METTL15: variants seen among roughly 807,000 people sequenced by gnomAD.
METTL15 encodes methyltransferase 15, mitochondrial 12S rRNA N4-cytidine, also known as 12S rRNA N(4)-cytidine methyltransferase METTL15.
In METTL15, 34 loss-of-function variants were observed where a neutral mutation model predicts 38.3. That is an observed-to-expected ratio of 0.89 (90% CI 0.68 to 1.18). METTL15 has a LOEUF of 1.18. METTL15 is among the 50% of genes most tolerant of loss of function. The pLI is 0.00. For synonymous variants in METTL15, 162 were observed against 170.9 expected (o/e 0.95, Z 0.41); for missense variants, 438 against 498.4 (o/e 0.88, Z 1.15).
At chr11:28,468,485 T>C (rs927890028) in intron 6 of METTL15, among the ~76,000 whole-genome samples, 2 of 152,212 alleles carry the variant, frequency 1.3e-5, no homozygotes, top group Non-Finnish European at 2.9e-5. Context: ...CATTTTGATA[T>C]AATATTGTTT....
At position 28,369,231 on chromosome 11, in the gene METTL15, A is replaced by G. The variant is rs150748150; in HGVS notation, c.*358+7195A>G. On this transcript the variant is annotated intron_variant and NMD_transcript_variant, in intron 5 of 7. Coordinates refer to the METTL15 transcript ENST00000532947. ...AGAAAGAATCAGCAAACTCAAAGAC[A>G]GGTACTTTTCCATTATTAAGTCAAA... Among the ~76,000 whole-genome samples the G allele has an allele frequency of 1.6e-4, 24 of 152,148 alleles. No homozygotes were observed. In the East Asian group the frequency reaches 4.6e-3, roughly 29 times the overall value.
intron 5 of METTL15, among the ~76,000 whole-genome samples, chr11:28,396,557 A>G (rs753116619): frequency 5.9e-5 from 9 of 152,316 alleles, no homozygotes; most frequent in South Asian, 2.1e-4. Context: ...CTCTTCAAGG[A>G]GAACTACAAA....
At chr11:28,237,464 A>T (rs1339439409) in intron 4 of METTL15, among the ~76,000 whole-genome samples, 1 of 152,024 alleles carries the variant, frequency 6.6e-6, no homozygotes, top group Admixed American at 6.5e-5. Flanking sequence ...AGCTCCTTTA[A>T]GCACTTCTCT....
intron 3 of METTL15, among the ~76,000 whole-genome samples, chr11:28,140,674 A>G (rs767598548): frequency 1.5e-4 from 23 of 152,178 alleles, no homozygotes; most frequent in Non-Finnish European, 2.5e-4. Flanking sequence ...AGTAGAATTT[A>G]TTAGGTGAAA....
At chr11:28,315,240 G>C (rs923454290) in intron 6 of METTL15, among the ~76,000 whole-genome samples, 1 of 152,152 alleles carries the variant, frequency 6.6e-6, no homozygotes, top group South Asian at 2.1e-4. Context: ...CGCTGATTGA[G>C]ATATGGATAA....
rs147693940 is a variant in METTL15, at chr11:28,432,316, C to A, written c.*424+7952C>A. Reference sequence around the variant, plus strand: ...GTAGTTCAATCAAAGTTAGGTATATCTCTTTCTTTTTAAGGAATTAAGTAA... The same window carrying A: ...GTAGTTCAATCAAAGTTAGGTATATATCTTTCTTTTTAAGGAATTAAGTAA... On this transcript the variant is annotated intron_variant and NMD_transcript_variant, in intron 6 of 7. Transcript: ENST00000532947. 5.9e-3 allele frequency among the ~76,000 whole-genome samples: 899 copies of A among 152,278 alleles called. 10 individuals are homozygous for A. Among genetic ancestry groups the A allele is most frequent in the African/African-American group, 0.021 (866 of 41,552 alleles).
At chr11:28,285,076 T>C (rs147680964) in intron 4 of METTL15, among the ~76,000 whole-genome samples, 2 of 152,248 alleles carry the variant, frequency 1.3e-5, no homozygotes, top group African/African-American at 4.8e-5. Context: ...AGGCTTGCAC[T>C]TACTCCGTCC....
chr11:28,282,417 CTTCCTAATTACAAA>C (rs1166063078), intron 4 of METTL15, among the ~76,000 whole-genome samples: 2 of 152,152 alleles, frequency 1.3e-5, no homozygotes, highest in Non-Finnish European at 2.9e-5. Context: ...ACAGTTTCTC[CTTCCTAATTACAAA>C]TTAACTCCTA....
chr11:28,130,403 ATAGG>A (rs1342885949), intron 3 of METTL15, among the ~76,000 whole-genome samples: 17 of 152,168 alleles, frequency 1.1e-4, no homozygotes, highest in Non-Finnish European at 2.1e-4. Context: ...TTATAATCCA[ATAGG>A]TAGGATAGTT....
In METTL15 at chr11:28,506,188, T is replaced by C. The variant is rs568541517; in HGVS notation, c.*425-20290T>C. Among the ~76,000 whole-genome samples, 7 of 152,296 alleles carry C rather than the reference T, an allele frequency of 4.6e-5. No homozygotes were observed. The South Asian group carries it at 1.2e-3, about 27-fold the overall frequency. ...CCTCTGTTATCCAAATGACGTAGGG[T>C]CTCTCTCCCTGGGAGGCCCCATTGC... is the stretch of plus-strand genomic sequence containing the variant. On this transcript the variant is annotated intron_variant and NMD_transcript_variant, in intron 6 of 7. Coordinates refer to the METTL15 transcript ENST00000532947.
At chr11:28,243,090 A>AC (rs981223636) in intron 4 of METTL15, among the ~76,000 whole-genome samples, 75 of 152,182 alleles carry the variant, frequency 4.9e-4, no homozygotes, top group Middle Eastern at 6.8e-3. Context: ...GTAAAAAAAA[A>AC]AAAACAGTGT....
intron 6 of METTL15, among the ~76,000 whole-genome samples, chr11:28,310,719 T>G (rs7119982): frequency 6.6e-6 from 1 of 152,106 alleles, no homozygotes; most frequent in African/African-American, 2.4e-5. Context: ...ATTTTCTGAT[T>G]TTATTCTACA....
intron 5 of METTL15, among the ~76,000 whole-genome samples, chr11:28,376,803 G>C (rs1850318729): frequency 6.7e-6 from 1 of 149,634 alleles, no homozygotes; most frequent in African/African-American, 2.4e-5. Flanking sequence ...GGTACCGGTT[G>C]TTCCTTTCCA....
intron 6 of METTL15, among the ~76,000 whole-genome samples, chr11:28,298,189 TA>T (rs1856803336): frequency 6.6e-6 from 1 of 152,092 alleles, no homozygotes; most frequent in African/African-American, 2.4e-5. Context: ...ATGCCGACAT[TA>T]AAGTCATCCC....
intron 5 of METTL15, among the ~76,000 whole-genome samples, chr11:28,363,895 A>G (rs1452842762): frequency 6.6e-6 from 1 of 152,188 alleles, no homozygotes; most frequent in African/African-American, 2.4e-5. Flanking sequence ...ATTCTTCTGC[A>G]TATGTCTAGC....
intron 3 of METTL15, chr11:28,123,825 T>C: frequency 7.3e-7 from 1 of 1,372,714 alleles, no homozygotes; most frequent in Non-Finnish European, 9.9e-7. Context: ...AAAACTGAAA[T>C]CTTTCTTTTG....
intron 6 of METTL15, among the ~76,000 whole-genome samples, chr11:28,434,275 G>A (rs1228767890): frequency 2.6e-5 from 4 of 152,286 alleles, no homozygotes; most frequent in African/African-American, 9.6e-5. Flanking sequence ...CACCATGACT[G>A]TAAATTTCCT....
At chr11:28,397,114 G>A (rs879813771) in intron 5 of METTL15, among the ~76,000 whole-genome samples, 44 of 152,070 alleles carry the variant, frequency 2.9e-4, no homozygotes, top group Admixed American at 2.5e-3. Context: ...AGACTTAAAT[G>A]TTAGACCTAA....
intron 4 of METTL15, among the ~76,000 whole-genome samples, chr11:28,230,663 C>T (rs965063597): frequency 6.6e-6 from 1 of 151,864 alleles, no homozygotes; most frequent in Non-Finnish European, 1.5e-5. Context: ...TCTAAATCGT[C>T]AACTAATTAA....
Sources: allele counts gnomAD v4.1 joint callset (sites outside exome capture counted in the v4.1 genomes callset), GRCh38; gene constraint gnomAD v4.1.1; transcripts MANE v1.5; gene names NCBI Gene and HGNC (gene_info 2026-07-23, HGNC 2026-07-21).